Variants in DENND1A observed in about 807,000 individuals in gnomAD.
DENND1A encodes DENN domain-containing protein 1A.
Under a neutral mutation model 113.7 loss-of-function variants are expected in DENND1A, and 51 were observed. The observed-to-expected ratio is 0.45, with a 90% confidence interval of 0.36 to 0.57. The LOEUF (loss-of-function observed/expected upper bound fraction) is 0.57, where lower values mean the gene tolerates loss of function less well. Ranked by LOEUF, DENND1A falls within the 20% of genes least tolerant of loss-of-function variation. The pLI is 0.00. For missense variants in DENND1A, 1,258 were observed against 1,395.9 expected, an observed-to-expected ratio of 0.90 and a Z score of 1.57; for synonymous variants, 565 against 570.8, an observed-to-expected ratio of 0.99 and a Z score of 0.14.
chr9:123,556,724 G>A (rs577956187), intron 13 of DENND1A, among the ~76,000 whole-genome samples: 5 of 152,306 alleles, frequency 3.3e-5, no homozygotes, highest in South Asian at 4.1e-4. Context: ...CAGGCCTGTC[G>A]GCAAGGTTTC....
intron 11 of DENND1A, among the ~76,000 whole-genome samples, chr9:123,602,410 T>C (rs2059973139): frequency 6.6e-6 from 1 of 152,222 alleles, no homozygotes. Flanking sequence ...GATGAATCTG[T>C]GGACATGGAA....
intron 13 of DENND1A, among the ~76,000 whole-genome samples, chr9:123,542,184 A>G (rs1252066346): frequency 1.3e-5 from 2 of 152,214 alleles, no homozygotes; most frequent in East Asian, 3.8e-4. Context: ...CTAAGCCCAT[A>G]AAGTTTTAAA....
At chr9:123,747,622 CAAT>C (rs1321318479) in intron 5 of DENND1A, among the ~76,000 whole-genome samples, 2 of 152,114 alleles carry the variant, frequency 1.3e-5, no homozygotes, top group Non-Finnish European at 2.9e-5. Context: ...ATTTTCTCCA[CAAT>C]GTTTAAAAAT....
chr9:123,878,218 T>A (rs12553256), intron 2 of DENND1A, among the ~76,000 whole-genome samples: 12 of 147,664 alleles, frequency 8.1e-5, no homozygotes, highest in South Asian at 2.1e-4. Context: ...AAAAAAAAAA[T>A]AATATTATTA....
intron 10 of DENND1A, among the ~76,000 whole-genome samples, chr9:123,616,348 G>A (rs1203925947): frequency 6.6e-6 from 1 of 152,174 alleles, no homozygotes; most frequent in African/African-American, 2.4e-5. Context: ...ACTTGCTAGT[G>A]ACTTCTCTTA....
intron 12 of DENND1A, among the ~76,000 whole-genome samples, chr9:123,568,211 T>C (rs1391186017): frequency 6.6e-6 from 1 of 152,254 alleles, no homozygotes; most frequent in Non-Finnish European, 1.5e-5. Flanking sequence ...GGATTTACTC[T>C]GGGCTCAGCC....
chr9:123,768,763 T>G (rs1487951280), intron 4 of DENND1A, among the ~76,000 whole-genome samples: 1 of 151,072 alleles, frequency 6.6e-6, no homozygotes, highest in Non-Finnish European at 1.5e-5. Flanking sequence ...TAATTGTTAT[T>G]TTATTAATAT....
At chr9:123,424,062 C>A (rs554357690) in intron 19 of DENND1A, among the ~76,000 whole-genome samples, 6 of 152,254 alleles carry the variant, frequency 3.9e-5, no homozygotes, top group Non-Finnish European at 8.8e-5. Context: ...TATCCTGGTG[C>A]TTACAGCACT....
intron 1 of DENND1A, among the ~76,000 whole-genome samples, chr9:123,897,945 GAA>G (rs745985411): frequency 8.8e-5 from 10 of 113,764 alleles, no homozygotes; most frequent in African/African-American, 9.5e-5. Flanking sequence ...GTCTCAAGCG[GAA>G]AAAAAAAAAA....
intron 13 of DENND1A, among the ~76,000 whole-genome samples, chr9:123,506,634 T>C (rs915517196): frequency 1.4e-5 from 2 of 143,068 alleles, no homozygotes; most frequent in Non-Finnish European, 3.0e-5. Flanking sequence ...TATTAATAAG[T>C]GTATCCACAT....
intron 2 of DENND1A, among the ~76,000 whole-genome samples, chr9:123,834,277 G>A (rs1401078043): frequency 6.6e-6 from 1 of 152,172 alleles, no homozygotes; most frequent in Non-Finnish European, 1.5e-5. Context: ...CATAAAAGCA[G>A]TCATCATTTA....
At chr9:123,591,758 T>C (rs1455712788) in intron 11 of DENND1A, among the ~76,000 whole-genome samples, 9 of 152,208 alleles carry the variant, frequency 5.9e-5, no homozygotes, top group African/African-American at 1.4e-4. Context: ...CAGATGTCAA[T>C]GTAAGCCCGA....
chr9:123,768,883 T>A (rs1391520105), intron 4 of DENND1A, among the ~76,000 whole-genome samples: 2 of 151,350 alleles, frequency 1.3e-5, no homozygotes, highest in Non-Finnish European at 3.0e-5. Context: ...CTATTTTAAT[T>A]GTCTTAGAGT....
In DENND1A at chr9:123,757,730, C is replaced by T. The variant is rs756986497; in HGVS notation, c.275G>A (p.Gly92Glu). The change falls in exon 5 of 24, where the codon GGA (glycine) becomes GAA (glutamate). Residue 92 changes from glycine (G) to glutamate (E), a missense_variant. Around this residue, in one of 2 missense-constraint regions of DENND1A, gnomAD observed 99 missense variants for 164.2 expected, o/e 0.60. Coordinates refer to ENST00000394215, the MANE Select transcript of DENND1A (RefSeq NM_001352964.2). ...QRFGFCRLSSGAKSCFCILSY... is the reference protein window; with the variant it reads ...QRFGFCRLSSEAKSCFCILSY... ...TAAGATACAGAAGCAGCTCTTCGCT[C>T]CTGAAGATAAGCGGCAGAACCCGAA... 2 of 1,614,058 alleles carry T rather than the reference C, an allele frequency of 1.2e-6. No individual in the cohort carries two copies. Among genetic ancestry groups the T allele is most frequent in the Non-Finnish European group, 1.7e-6 (2 of 1,179,994 alleles).
intron 10 of DENND1A, among the ~76,000 whole-genome samples, chr9:123,622,177 AG>A (rs2060995823): frequency 6.6e-6 from 1 of 152,240 alleles, no homozygotes; most frequent in South Asian, 2.1e-4. Flanking sequence ...ATCAGGAGCT[AG>A]CTACTAACTT....
intron 13 of DENND1A, among the ~76,000 whole-genome samples, chr9:123,467,496 A>C (rs918707753): frequency 1.3e-5 from 2 of 152,172 alleles, no homozygotes; most frequent in African/African-American, 4.8e-5. Context: ...TCTACTAAAA[A>C]TACAAAAAAT....
intron 4 of DENND1A, among the ~76,000 whole-genome samples, chr9:123,762,090 A>T (rs936535707): frequency 6.6e-6 from 1 of 152,190 alleles, no homozygotes; most frequent in African/African-American, 2.4e-5. Flanking sequence ...CTTCTGGTTC[A>T]AAGTCCTTTC....
intron 2 of DENND1A, among the ~76,000 whole-genome samples, chr9:123,824,638 G>T (rs1839019554): frequency 6.6e-6 from 1 of 152,012 alleles, no homozygotes; most frequent in African/African-American, 2.4e-5. Flanking sequence ...TTCCAAATGG[G>T]TGTTTATAGA....
chr9:123,570,466 G>T (rs2058296771), intron 12 of DENND1A, among the ~76,000 whole-genome samples: 1 of 152,146 alleles, frequency 6.6e-6, no homozygotes, highest in Admixed American at 6.5e-5. Context: ...GTTGGGGAGT[G>T]GTCTCCATGC....
Sources: gnomAD v4.1 joint callset for allele counts (sites outside exome capture counted in the v4.1 genomes callset) on GRCh38, gnomAD v4.1.1 for gene constraint, gnomAD v4.1.1 regional missense constraint, MANE v1.5 for transcripts, NCBI Gene and HGNC (gene_info 2026-07-23, HGNC 2026-07-21) for gene names.